Variants in TACR1 observed in about 807,000 individuals in gnomAD.
The protein encoded by TACR1 is tachykinin receptor 1.
A neutral mutation model predicts 35.8 loss-of-function variants in TACR1; 25 were observed. That is an observed-to-expected ratio of 0.70 (90% CI 0.51 to 0.98). The LOEUF is 0.98. Ranked by LOEUF, TACR1 falls within the 50% of genes least tolerant of loss-of-function variation. The pLI is 0.00. For missense variants in TACR1, 478 were observed against 522.9 expected (o/e 0.91, Z 0.84); for synonymous variants, 195 against 206.7 (o/e 0.94, Z 0.48).
chr2:75,071,061 A>G (rs993054919), intron 2 of TACR1, among the ~76,000 whole-genome samples: 2 of 152,260 alleles, frequency 1.3e-5, no homozygotes, highest in African/African-American at 4.8e-5. Context: ...GAACACAGTC[A>G]TGCCCGTTCA....
chr2:75,157,828 A>C (rs1350561516), intron 1 of TACR1, among the ~76,000 whole-genome samples: 1 of 152,258 alleles, frequency 6.6e-6, no homozygotes, highest in Non-Finnish European at 1.5e-5. Flanking sequence ...GACTGAAAGA[A>C]AATCTTCTGA....
intron 2 of TACR1, among the ~76,000 whole-genome samples, chr2:75,116,932 A>G (rs569556252): frequency 5.7e-4 from 87 of 152,312 alleles, no homozygotes; most frequent in African/African-American, 2.0e-3. Context: ...AGTATTTTCC[A>G]ATGTAATTAT....
intron 1 of TACR1, among the ~76,000 whole-genome samples, chr2:75,129,429 A>G (rs1298363462): frequency 6.6e-6 from 1 of 152,236 alleles, no homozygotes; most frequent in African/African-American, 2.4e-5. Context: ...AACAACATCA[A>G]AGATGCATTT....
At chr2:75,096,945 A>C (rs1488172524) in intron 2 of TACR1, among the ~76,000 whole-genome samples, 1 of 152,230 alleles carries the variant, frequency 6.6e-6, no homozygotes, top group East Asian at 1.9e-4. Flanking sequence ...TTGCTCCAAC[A>C]GTCAACCCCT....
chr2:75,060,709 T>G (rs1030683927), intron 2 of TACR1, among the ~76,000 whole-genome samples: 1 of 152,200 alleles, frequency 6.6e-6, no homozygotes. Flanking sequence ...ATACTTGTGC[T>G]CTGGCAATAG....
intron 2 of TACR1, among the ~76,000 whole-genome samples, chr2:75,063,102 C>G (rs111935639): frequency 6.6e-6 from 1 of 152,124 alleles, no homozygotes; most frequent in Non-Finnish European, 1.5e-5. Context: ...GTGAGACTTA[C>G]TCACTATCAC....
intron 1 of TACR1, among the ~76,000 whole-genome samples, chr2:75,181,460 C>A (rs1400320034): frequency 6.6e-6 from 1 of 152,144 alleles, no homozygotes; most frequent in Non-Finnish European, 1.5e-5. Context: ...ATTTATCTTT[C>A]CCCATATAAA....
chr2:75,092,336 A>G (rs1315228472), intron 2 of TACR1, among the ~76,000 whole-genome samples: 3 of 152,102 alleles, frequency 2.0e-5, no homozygotes. Flanking sequence ...TTCCAAACTC[A>G]TGACCCTTAA....
intron 2 of TACR1, among the ~76,000 whole-genome samples, chr2:75,114,053 G>A (rs960625484): frequency 6.6e-6 from 1 of 152,076 alleles, no homozygotes; most frequent in African/African-American, 2.4e-5. Context: ...AAATAATGAC[G>A]ATGGCATATT....
At chr2:75,065,940 A>C (rs559381821) in intron 2 of TACR1, among the ~76,000 whole-genome samples, 1 of 152,330 alleles carries the variant, frequency 6.6e-6, no homozygotes, top group Non-Finnish European at 1.5e-5. Context: ...CTAAGCATCC[A>C]GACTCACAGC....
chr2:75,195,488 T>C (rs1675947775), intron 1 of TACR1, among the ~76,000 whole-genome samples: 1 of 151,882 alleles, frequency 6.6e-6, no homozygotes, highest in Admixed American at 6.6e-5. Context: ...AGTACTGCAA[T>C]CTGCAACTGA....
intron 2 of TACR1, among the ~76,000 whole-genome samples, chr2:75,069,899 A>G (rs1558542298): frequency 6.6e-6 from 1 of 151,918 alleles, no homozygotes; most frequent in African/African-American, 2.4e-5. Flanking sequence ...CTGTGAAGAC[A>G]CTCTTTTTTC....
intron 2 of TACR1, among the ~76,000 whole-genome samples, chr2:75,113,416 C>A (rs534090933): frequency 1.3e-5 from 2 of 152,092 alleles, no homozygotes; most frequent in East Asian, 3.9e-4. Context: ...GTGGCTGCCT[C>A]CTGTTTGGCG....
At chr2:75,061,377 A>T (rs1167855146) in intron 2 of TACR1, among the ~76,000 whole-genome samples, 2 of 152,104 alleles carry the variant, frequency 1.3e-5, no homozygotes, top group African/African-American at 4.8e-5. Flanking sequence ...TCGAGTGGGA[A>T]GTGAGGAAGT....
chr2:75,180,958 G>T lies in TACR1; in HGVS notation c.389+17588C>A, dbSNP rs758039656. Among the ~76,000 whole-genome samples the T allele has an allele frequency of 2.0e-5, 3 of 152,132 alleles. No individual in the cohort carries two copies. In the South Asian group the frequency reaches 6.2e-4, roughly 32 times the overall value. ...ATATGTAGACGCTCTTTTACAACCT[G>T]CTCCATGTTCCTGATTTAACCATCT... is the stretch of plus-strand genomic sequence containing the variant. On this transcript the variant is annotated intron_variant, in intron 1 of 4. Transcript: ENST00000305249.
intron 2 of TACR1, among the ~76,000 whole-genome samples, chr2:75,067,572 TA>T (rs963682353): frequency 6.6e-6 from 1 of 152,136 alleles, no homozygotes; most frequent in African/African-American, 2.4e-5. Context: ...TATAAAATCA[TA>T]AATGTTGCTA....
In TACR1 at chr2:75,175,451, T is replaced by A. The variant is rs77784715; in HGVS notation, c.389+23095A>T. 8.5e-3 allele frequency among the ~76,000 whole-genome samples: 1,287 copies of A among 152,262 alleles called. 7 individuals are homozygous for A. The highest frequency in any genetic ancestry group is 0.014 in the Middle Eastern group (4 of 294). ...TTCACACAGTTCTGGGGTTCAGAAA[T>A]CCAAAGTGAGTTTTGCTGGCTTAAA... On this transcript the variant is annotated intron_variant, in intron 1 of 4. Coordinates refer to ENST00000305249, the MANE Select transcript of TACR1 (RefSeq NM_001058.4).
chr2:75,107,862 A>T (rs7582109), intron 2 of TACR1, among the ~76,000 whole-genome samples: 71,602 of 151,740 alleles, frequency 0.47, 17,820 homozygotes, highest in Non-Finnish European at 0.55. Context: ...TACATTAAAG[A>T]ATGAAAGGCA....
At chr2:75,076,313 G>T (rs1672978561) in intron 2 of TACR1, among the ~76,000 whole-genome samples, 1 of 152,180 alleles carries the variant, frequency 6.6e-6, no homozygotes, top group Non-Finnish European at 1.5e-5. Flanking sequence ...TCCATCACCT[G>T]TTGTCTTTCC....
Sources: gnomAD v4.1 joint callset for allele counts (sites outside exome capture counted in the v4.1 genomes callset) on GRCh38, gnomAD v4.1.1 for gene constraint, MANE v1.5 for transcripts, NCBI Gene and HGNC (gene_info 2026-07-23, HGNC 2026-07-21) for gene names.